PKP1: variants seen among roughly 807,000 people sequenced by gnomAD.
PKP1 encodes plakophilin 1, also known as plakophilin-1.
In PKP1, 27 loss-of-function variants were observed where a neutral mutation model predicts 76.4. The ratio of observed to expected loss-of-function variants is 0.35; its 90% CI spans 0.26 to 0.49. The LOEUF (loss-of-function observed/expected upper bound fraction) is 0.49, where lower values mean the gene tolerates loss of function less well. Among genes scored for constraint, PKP1 ranks in the 20% least tolerant of loss-of-function variants. The pLI is 0.99. For synonymous variants in PKP1, 404 were observed against 384.2 expected (o/e 1.05, Z -0.60); for missense variants, 964 against 955.2 (o/e 1.01, Z -0.12).
rs530899848 is a variant in PKP1, at chr1:201,331,996, C to T, written c.*1955C>T. 8.5e-5 allele frequency: 13 copies of T among 152,462 alleles called. No homozygotes were observed. In the East Asian group the frequency reaches 1.7e-3, roughly 20 times the overall value. 9.4% of individuals were successfully genotyped at this position (152,462 alleles called of 1,614,324 possible). On this transcript the variant is annotated 3_prime_UTR_variant, in exon 14 of 14. Transcript: ENST00000367324. Reference sequence around the variant, plus strand: ...AATACGTATGGCATACCAATCTGTGCGGGGCAGTGTCCTAAGCACTTAGAC... The same window carrying T: ...AATACGTATGGCATACCAATCTGTGTGGGGCAGTGTCCTAAGCACTTAGAC...
At chr1:201,284,328 C>G (rs746550601) in intron 1 of PKP1, among the ~76,000 whole-genome samples, 7 of 152,226 alleles carry the variant, frequency 4.6e-5, no homozygotes, top group South Asian at 2.1e-4. Context: ...CCATGGTCCC[C>G]GCGCTCGCAA....
intron 12 of PKP1, among the ~76,000 whole-genome samples, chr1:201,326,051 T>G (rs944491727): frequency 6.6e-6 from 1 of 152,070 alleles, no homozygotes; most frequent in Admixed American, 6.5e-5. Context: ...GCTGAGAACA[T>G]GGAGGGCAGA....
Position 201,319,830 on chromosome 1 carries a change from T to C in PKP1, c.1233-437T>C, listed in dbSNP as rs555119427. ...CTGTCCCACAGAAAGAGACTGGGCATGCGGGAGCTTCTGGCTCTTGTTCCG... is the reference window on the plus strand; with the variant it reads ...CTGTCCCACAGAAAGAGACTGGGCACGCGGGAGCTTCTGGCTCTTGTTCCG... On this transcript the variant is annotated intron_variant, in intron 6 of 13. Transcript: ENST00000367324. 2.9e-5 allele frequency: 46 copies of C among 1,613,900 alleles called. 1 individual carries two copies. The highest frequency in any genetic ancestry group is 3.5e-5 in the Non-Finnish European group (41 of 1,179,944).
At chr1:201,295,911 C>G (rs1315158573) in intron 2 of PKP1, among the ~76,000 whole-genome samples, 1 of 152,158 alleles carries the variant, frequency 6.6e-6, no homozygotes, top group Non-Finnish European at 1.5e-5. Context: ...CTTCATTTGG[C>G]CCATGTTGAA....
At chr1:201,325,862 CT>C (rs1230579456) in intron 12 of PKP1, 24 bp downstream of exon 12, 2 of 1,567,568 alleles carry the variant, frequency 1.3e-6, no homozygotes, top group South Asian at 2.2e-5. Context: ...ACATCATCCT[CT>C]TCTGAGGTTC....
chr1:201,320,580 A>T (rs1457242841), intron 7 of PKP1, among the ~76,000 whole-genome samples, 199 bp downstream of exon 7: 1 of 152,140 alleles, frequency 6.6e-6, no homozygotes, highest in Non-Finnish European at 1.5e-5. Context: ...ACTCTCCCTC[A>T]CTTAGAAGTG....
chr1:201,316,174 A>ATGGACGGACGGACGTAC (rs1168957134), intron 3 of PKP1: 1 of 28,366 alleles, frequency 3.5e-5, no homozygotes, highest in Non-Finnish European at 9.2e-5. Flanking sequence ...ATGGATGGAT[A>ATGGACGGACGGACGTAC]GGATCATGGC....
chr1:201,317,536 C>T (rs1211187726), intron 4 of PKP1, 36 bp from the exon 5 acceptor site: 2 of 1,570,380 alleles, frequency 1.3e-6, no homozygotes, highest in East Asian at 4.5e-5. Context: ...GCCTCATCTC[C>T]CTTGACCAGG....
intron 2 of PKP1, among the ~76,000 whole-genome samples, chr1:201,311,615 C>G (rs1656554146): frequency 6.6e-6 from 1 of 152,150 alleles, no homozygotes; most frequent in South Asian, 2.1e-4. Context: ...CCAGCCCCTC[C>G]CCAGCTTGTG....
intron 1 of PKP1, among the ~76,000 whole-genome samples, chr1:201,287,015 T>G (rs1655761727): frequency 6.6e-6 from 1 of 152,156 alleles, no homozygotes. Context: ...TGAAAGGAGC[T>G]TCCTTTCACC....
chr1:201,321,480 G>A (rs2102182121), intron 7 of PKP1, among the ~76,000 whole-genome samples: 1 of 152,238 alleles, frequency 6.6e-6, no homozygotes, highest in African/African-American at 2.4e-5. Context: ...GACATTGACA[G>A]CTAAGGACTG....
At chr1:201,285,960 G>T (rs905773555) in intron 1 of PKP1, among the ~76,000 whole-genome samples, 1 of 152,230 alleles carries the variant, frequency 6.6e-6, no homozygotes, top group South Asian at 2.1e-4. Context: ...CAGACTCTGC[G>T]GAGGTTCCTA....
Position 201,331,840 on chromosome 1 carries a change from A to T in PKP1, c.*1799A>T, listed in dbSNP as rs1657333754. ...CTCCCTTGCTTCTGTTCACACTGGG[A>T]GGCCCACTCCTGGCTCACCTCTCCC... On this transcript the variant is annotated 3_prime_UTR_variant, in exon 14 of 14. Transcript: ENST00000367324. 1 of 152,142 alleles carries T rather than the reference A, an allele frequency of 6.6e-6. No homozygotes were observed. 9.4% of individuals were successfully genotyped at this position (152,142 alleles called of 1,614,324 possible).
At chr1:201,306,293 T>A (rs1656363247) in intron 2 of PKP1, among the ~76,000 whole-genome samples, 1 of 152,188 alleles carries the variant, frequency 6.6e-6, no homozygotes, top group South Asian at 2.1e-4. Flanking sequence ...TAGTTGCGTG[T>A]TGATGGAGCA....
intron 7 of PKP1, among the ~76,000 whole-genome samples, chr1:201,320,592 A>G (rs543056438): frequency 6.6e-6 from 1 of 152,328 alleles, no homozygotes; most frequent in African/African-American, 2.4e-5. Flanking sequence ...TTAGAAGTGG[A>G]GTAGATGCAG....
At chr1:201,285,090 A>G (rs1655687898) in intron 1 of PKP1, among the ~76,000 whole-genome samples, 1 of 152,186 alleles carries the variant, frequency 6.6e-6, no homozygotes, top group Non-Finnish European at 1.5e-5. Flanking sequence ...AAATGCTAAT[A>G]AGACTTTACC....
intron 2 of PKP1, among the ~76,000 whole-genome samples, chr1:201,312,498 G>A (rs941021786): frequency 2.6e-5 from 4 of 152,174 alleles, no homozygotes; most frequent in Admixed American, 2.0e-4. Flanking sequence ...TACCATGTGG[G>A]ACCAGATCAG....
At chr1:201,291,537 C>A (rs1655917016) in intron 1 of PKP1, among the ~76,000 whole-genome samples, 1 of 152,072 alleles carries the variant, frequency 6.6e-6, no homozygotes, top group South Asian at 2.1e-4. Context: ...ATGGGGAGAG[C>A]AGCATCATGC....
At chr1:201,300,122 CAAG>C (rs1558185236) in intron 2 of PKP1, among the ~76,000 whole-genome samples, 2 of 152,228 alleles carry the variant, frequency 1.3e-5, no homozygotes, top group Non-Finnish European at 2.9e-5. Context: ...CTCACCCCAA[CAAG>C]AAGAGGCAAT....
Sources: allele counts gnomAD v4.1 joint callset (sites outside exome capture counted in the v4.1 genomes callset), GRCh38; gene constraint gnomAD v4.1.1; transcripts MANE v1.5; gene names NCBI Gene and HGNC (gene_info 2026-07-23, HGNC 2026-07-21).